Variants in ZNF354C observed in about 807,000 individuals in gnomAD.
ZNF354C encodes zinc finger protein 354C.
A neutral mutation model predicts 12.4 loss-of-function variants in ZNF354C; 7 were observed. The observed-to-expected ratio is 0.56, with a 90% CI of 0.32 to 1.06. The LOEUF (loss-of-function observed/expected upper bound fraction) is 1.06. ZNF354C is among the 50% of genes least tolerant of loss of function. The pLI is 0.04. For synonymous variants in ZNF354C, 202 were observed against 224.5 expected, an observed-to-expected ratio of 0.90 and a Z score of 0.90; for missense variants, 609 against 658.0, an observed-to-expected ratio of 0.93 and a Z score of 0.81.
chr5:179,061,972 C>G (rs1265181087), intron 1 of ZNF354C, 43 bp from the exon 2 acceptor site: 2 of 1,381,480 alleles, frequency 1.4e-6, no homozygotes, highest in African/African-American at 2.8e-5. Flanking sequence ...TCCAAGCCAT[C>G]TCCTGACGCC....
Position 179,078,983 on chromosome 5 carries a change from A to C in ZNF354C, c.551A>C (p.Glu184Ala). The C allele has an allele frequency of 6.2e-7, 1 of 1,613,786 alleles. No individual in the cohort carries two copies. The change falls in exon 5 of 5, where the codon GAA becomes GCA. Residue 184 changes from glutamate (E) to alanine (A), a missense_variant. Glu to Ala is a moderately radical substitution (Grantham distance 107, BLOSUM62 -1). Transcript: ENST00000315475. ...GTCACACAACAGAGTGTTCCTATAG[A>C]AAGGATACCCAATATGTATTATACA... Reference protein sequence around the residue: ...ALVTQQSVPIERIPNMYYTFG... With the variant: ...ALVTQQSVPIARIPNMYYTFG...
In ZNF354C at chr5:179,083,812, G is replaced by A. The variant is rs922766685; in HGVS notation, c.*3715G>A. 2.0e-5 allele frequency among the ~76,000 whole-genome samples: 3 copies of A among 152,318 alleles called. No individual in the cohort carries two copies. The highest frequency in any genetic ancestry group is 2.1e-4 in the South Asian group (1 of 4,828). ...GAATTTGAAACAAGATCATTGTGGC[G>A]CTCCTGGGCATTCCTGTGGTGAGGA... is the stretch of plus-strand genomic sequence containing the variant. On this transcript the variant is annotated 3_prime_UTR_variant, in exon 5 of 5. Transcript: ENST00000315475.
Position 179,078,683 on chromosome 5 carries a change from G to A in ZNF354C, c.251G>A (p.Gly84Asp). 6.3e-7 allele frequency: 1 copy of A among 1,582,498 alleles called. No individual in the cohort carries two copies. Residue 84 changes from glycine (G) to aspartate (D), a missense_variant and splice_region_variant, in exon 5 of 5, where the codon GGT becomes GAT. Transcript: ENST00000315475. ...EREVPSDTRL[G>D]FKTWLETEAL... is the part of the protein sequence containing the mutation. ...CATTAATTCTTCTGATTCATTTTAG[G>A]TTTCAAGACTTGGCTTGAAACAGAA...
Position 179,080,003 on chromosome 5 carries a change from A to C in ZNF354C, c.1571A>C (p.Tyr524Ser). The C allele has an allele frequency of 6.2e-7, 1 of 1,613,978 alleles. No homozygotes were observed. Among genetic ancestry groups the C allele is most frequent in the Non-Finnish European group, 8.5e-7 (1 of 1,179,936 alleles). Reference sequence around the variant, plus strand: ...AAAGTTCACACGAAAGAGAAACTCTATAAGTGGAAGGAATATGGGAAACCT... The same window carrying C: ...AAAGTTCACACGAAAGAGAAACTCTCTAAGTGGAAGGAATATGGGAAACCT... ...HKKVHTKEKL[Y>S]KWKEYGKPFI... The change falls in exon 5 of 5, where the codon TAT (tyrosine) becomes TCT (serine). Residue 524 changes from tyrosine to serine, a missense_variant. Tyr to Ser is a moderately radical substitution (Grantham distance 144). Transcript: ENST00000315475.
chr5:179,076,332 A>T, intron 2 of ZNF354C, 113 bp from the exon 3 acceptor site: 1 of 1,490,518 alleles, frequency 6.7e-7, no homozygotes, highest in Non-Finnish European at 9.2e-7. Context: ...TAAACAGTTG[A>T]CGTGAATTAT....
chr5:179,076,322 T>C (rs1762120590), intron 2 of ZNF354C, 123 bp from the exon 3 acceptor site: 2 of 1,449,938 alleles, frequency 1.4e-6, no homozygotes, highest in African/African-American at 2.8e-5. Context: ...AAAAATTACG[T>C]AAACAGTTGA....
chr5:179,079,254 T>C lies in ZNF354C; in HGVS notation c.822T>C (p.Cys274=). 1 of 1,614,090 alleles carries C rather than the reference T, an allele frequency of 6.2e-7. No homozygotes were observed. Among genetic ancestry groups the C allele is most frequent in the Non-Finnish European group, 8.5e-7 (1 of 1,180,008 alleles). Residue 274 remains cysteine, a synonymous_variant, in exon 5 of 5, where the codon TGT becomes TGC. Coordinates refer to ENST00000315475, the MANE Select transcript of ZNF354C (RefSeq NM_014594.3). The surrounding 1 kb of genome is among the most constrained non-coding windows in gnomAD (Gnocchi z 4.2). The stretch of plus-strand genomic sequence containing the variant: ...ATACTGGAGAGAAACCTTACAAGTG[T>C]AATGAATGTGAGAAGGCATTTAGCA... The part of the protein sequence containing the change: ...RIHTGEKPYK[C]NECEKAFSNS...
rs1437090934 is a variant in ZNF354C at position 179,079,839 on chromosome 5, G to T, written c.1407G>T (p.Gln469His). 5.0e-6 allele frequency: 8 copies of T among 1,613,994 alleles called. No homozygotes were observed. The highest frequency in any genetic ancestry group is 6.8e-6 in the Non-Finnish European group (8 of 1,180,018). ...QRIHTGEKPY[Q>H]CNQCGKAFSQ... ...TTCATACTGGAGAGAAACCGTATCA[G>T]TGTAATCAGTGTGGAAAGGCCTTCA... The change falls in exon 5 of 5, where the codon CAG (glutamine) becomes CAT (histidine). Residue 469 changes from glutamine (Q) to histidine (H), a missense_variant. Physicochemically the swap from Gln to His is conservative, Grantham distance 24. Coordinates refer to ENST00000315475, the MANE Select transcript of ZNF354C (RefSeq NM_014594.3). The surrounding 1 kb of genome is among the most constrained non-coding windows in gnomAD (Gnocchi z 4.2).
At chr5:179,067,188 A>G (rs577863549) in intron 2 of ZNF354C, among the ~76,000 whole-genome samples, 21 of 152,322 alleles carry the variant, frequency 1.4e-4, no homozygotes, top group Non-Finnish European at 2.8e-4. Flanking sequence ...TAAAGGCTAT[A>G]GAATCGTTTG....
intron 2 of ZNF354C, among the ~76,000 whole-genome samples, chr5:179,069,843 G>A (rs986280773): frequency 1.3e-5 from 2 of 152,216 alleles, no homozygotes; most frequent in African/African-American, 2.4e-5. Context: ...TCCAGCCTGG[G>A]CGACAGAGCA....
rs1248966203 is a variant in ZNF354C, at chr5:179,060,835, G to T, written c.-55+169G>T. Reference sequence around the variant, plus strand: ...CAGGCACCAGACTAGCGCATCGCCCGAACGAACTCCGCGCATCCCTGCTAA... The same window carrying T: ...CAGGCACCAGACTAGCGCATCGCCCTAACGAACTCCGCGCATCCCTGCTAA... On this transcript the variant is annotated intron_variant, in intron 1 of 4. Coordinates refer to ENST00000315475, the MANE Select transcript of ZNF354C (RefSeq NM_014594.3). This position sits in a 1 kb window ranked among gnomAD's most constrained non-coding sequence, Gnocchi z 4.2. Among the ~76,000 whole-genome samples the T allele has an allele frequency of 6.6e-6, 1 of 152,168 alleles. No homozygotes were observed. Among genetic ancestry groups the T allele is most frequent in the Non-Finnish European group, 1.5e-5 (1 of 68,032 alleles).
chr5:179,077,099 TC>T lies in ZNF354C; in HGVS notation c.184del (p.His62IlefsTer22). On this transcript the variant is annotated frameshift_variant, in exon 4 of 5. Coordinates refer to ENST00000315475, the MANE Select transcript of ZNF354C (RefSeq NM_014594.3). LOFTEE classifies it high-confidence loss of function. ...GIPFSMPKLI[H>X]QLQQGEDPCM... Reference sequence around the variant, plus strand: ...TTCCATTTTCAATGCCAAAGTTGATTCATCAGTTGCAGCAAGGAGAAGATCC... The same window carrying T: ...TTCCATTTTCAATGCCAAAGTTGATTATCAGTTGCAGCAAGGAGAAGATCC... 1 of 1,614,216 alleles carries T rather than the reference TC, an allele frequency of 6.2e-7. No homozygotes were observed. The highest frequency in any genetic ancestry group is 8.5e-7 in the Non-Finnish European group (1 of 1,180,038).
rs142609516 is a variant in ZNF354C, at chr5:179,068,167, T to TAAAAAAAAAAAA, written c.27+6081_27+6082insAAAAAAAAAAAA. Among the ~76,000 whole-genome samples the TAAAAAAAAAAAA allele has an allele frequency of 7.0e-3, 1,051 of 149,234 alleles. 10 individuals carry two copies. The highest frequency in any genetic ancestry group is 0.024 in the African/African-American group (964 of 40,664). ...GCAACAGAGTGAGACCCTGTCTGTT[T>TAAAAAAAAAAAA]AAAAAAAAAGATTTCTCTATGTGGA... On this transcript the variant is annotated intron_variant, in intron 2 of 4. Coordinates refer to ENST00000315475, the MANE Select transcript of ZNF354C (RefSeq NM_014594.3).
At chr5:179,073,375 T>C (rs1014952641) in intron 2 of ZNF354C, among the ~76,000 whole-genome samples, 2 of 152,224 alleles carry the variant, frequency 1.3e-5, no homozygotes, top group South Asian at 4.1e-4. Context: ...ATGGTAGCTA[T>C]CTGGATAAAT....
At position 179,079,475 on chromosome 5, in the gene ZNF354C, G is replaced by T; in HGVS notation, c.1043G>T (p.Arg348Ile). 2 of 1,614,074 alleles carry T rather than the reference G, an allele frequency of 1.2e-6. No individual in the cohort carries two copies. Among genetic ancestry groups the T allele is most frequent in the South Asian group, 1.1e-5 (1 of 91,084 alleles). The change falls in exon 5 of 5, where the codon AGA becomes ATA. Residue 348 changes from arginine to isoleucine, a missense_variant. Physicochemically the swap from Arg to Ile is moderately conservative, Grantham distance 97. Transcript: ENST00000315475. This position sits in a 1 kb window ranked among gnomAD's most constrained non-coding sequence, Gnocchi z 4.2. ...NCRAKLHRHQ[R>I]IHTGEKPYKC... ...AGAGCAAAACTTCACAGGCATCAAA[G>T]AATCCATACAGGTGAGAAACCCTAT...
chr5:179,079,028 A>G lies in ZNF354C; in HGVS notation c.596A>G (p.Gln199Arg), dbSNP rs762413904. The change falls in exon 5 of 5, where the codon CAG becomes CGG. Residue 199 changes from glutamine (Q) to arginine (R), a missense_variant. Gln to Arg is a conservative substitution (Grantham distance 43). Coordinates refer to ENST00000315475, the MANE Select transcript of ZNF354C (RefSeq NM_014594.3). The surrounding 1 kb of genome is among the most constrained non-coding windows in gnomAD (Gnocchi z 4.2). ...TATACATTTGGGAAAGATTTTAAAC[A>G]GAATTTTGATCTCATGAAATGCTTC... The part of the protein sequence containing the change: ...MYYTFGKDFK[Q>R]NFDLMKCFQI... The G allele has an allele frequency of 3.9e-5, 63 of 1,612,982 alleles. No homozygotes were observed. The South Asian group carries it at 5.8e-4, about 15-fold the overall frequency.
chr5:179,071,367 A>AT (rs35793705), intron 2 of ZNF354C, among the ~76,000 whole-genome samples: 2,097 of 131,516 alleles, frequency 0.016, 37 homozygotes, highest in East Asian at 0.11. Flanking sequence ...TGCCAGGCTC[A>AT]TTTTTTTTTT....
At chr5:179,061,200 G>T (rs1761886450) in intron 1 of ZNF354C, among the ~76,000 whole-genome samples, 1 of 152,218 alleles carries the variant, frequency 6.6e-6, no homozygotes, top group Non-Finnish European at 1.5e-5. Context: ...ATGCTAGGGG[G>T]CACCCTGAGT....
intron 2 of ZNF354C, among the ~76,000 whole-genome samples, chr5:179,069,561 CAAA>C (rs761235131): frequency 9.0e-5 from 7 of 77,608 alleles, no homozygotes; most frequent in Admixed American, 3.1e-4. Flanking sequence ...GACTCCATCT[CAAA>C]AAAAAAAAAA....
Sources: allele counts gnomAD v4.1 joint callset (sites outside exome capture counted in the v4.1 genomes callset), GRCh38; gene constraint gnomAD v4.1.1; non-coding constraint Gnocchi (gnomAD v3.1); transcripts MANE v1.5; gene names NCBI Gene and HGNC (gene_info 2026-07-23, HGNC 2026-07-21).